The following PDIA3 variants were observed in gnomAD, a reference collection of about 807,000 sequenced individuals.
PDIA3 encodes protein disulfide-isomerase A3.
Under a neutral mutation model 56.9 loss-of-function variants are expected in PDIA3, and 16 were observed. That is an observed-to-expected ratio of 0.28 (90% CI 0.19 to 0.43). PDIA3 has a LOEUF of 0.43. Ranked by LOEUF, PDIA3 falls within the 20% of genes least tolerant of loss-of-function variation. The pLI is 1.00. For missense variants in PDIA3, 485 were observed against 621.3 expected, an observed-to-expected ratio of 0.78 and a Z score of 2.33; for synonymous variants, 192 against 216.5, an observed-to-expected ratio of 0.89 and a Z score of 0.99.
chr15:43,752,886 A>T (rs2086753882), intron 1 of PDIA3: 1 of 471,034 alleles, frequency 2.1e-6, no homozygotes, highest in Non-Finnish European at 4.4e-6. Flanking sequence ...CTAGCTGTAT[A>T]TACACTGATT....
chr15:43,753,950 A>G, intron 2 of PDIA3, 48 bp downstream of exon 2: 2 of 1,331,196 alleles, frequency 1.5e-6, no homozygotes, highest in Non-Finnish European at 2.2e-6. Flanking sequence ...TATTTTAAAA[A>G]GTAGTTTGTT....
At chr15:43,767,737 TCCAG>T (rs1431338144) in intron 8 of PDIA3, among the ~76,000 whole-genome samples, 4 of 135,440 alleles carry the variant, frequency 3.0e-5, no homozygotes, top group Non-Finnish European at 4.6e-5. Flanking sequence ...GCCACTGTTC[TCCAG>T]CCTGGGTGAC....
chr15:43,768,462 A>G, intron 8 of PDIA3, 27 bp from the exon 9 acceptor site: 1 of 1,513,636 alleles, frequency 6.6e-7, no homozygotes, highest in South Asian at 1.1e-5. Flanking sequence ...TAGATTAACA[A>G]GCCTTACCCT....
intron 9 of PDIA3, among the ~76,000 whole-genome samples, chr15:43,768,808 G>A (rs558293811): frequency 5.3e-5 from 8 of 151,970 alleles, no homozygotes; most frequent in Non-Finnish European, 1.2e-4. Context: ...CACATCACAA[G>A]GTCAAGAGTT....
rs1567156401 is a variant in PDIA3 at position 43,756,729 on chromosome 15, T to A, written c.327T>A (p.Gly109=). The A allele has an allele frequency of 1.9e-6, 3 of 1,608,390 alleles. No homozygotes were observed. The highest frequency in any genetic ancestry group is 2.7e-5 in the African/African-American group (2 of 74,802). ...CAACCCTGAAGATATTTAGAGATGGTGAAGAAGCAGGTGCTTATGATGGAC... is the reference window on the plus strand; with the variant it reads ...CAACCCTGAAGATATTTAGAGATGGAGAAGAAGCAGGTGCTTATGATGGAC... The part of the protein sequence containing the change: ...GYPTLKIFRD[G]EEAGAYDGPR... The change falls in exon 3 of 13, where the codon GGT becomes GGA. Residue 109 remains glycine, a synonymous_variant. Transcript: ENST00000300289.
chr15:43,763,840 C>T (rs2086832639), intron 5 of PDIA3, among the ~76,000 whole-genome samples: 1 of 151,932 alleles, frequency 6.6e-6, no homozygotes. Flanking sequence ...TCAGTTTTCT[C>T]TGGAAGGTTA....
At chr15:43,756,061 A>G (rs1022644979) in intron 2 of PDIA3, among the ~76,000 whole-genome samples, 1 of 152,196 alleles carries the variant, frequency 6.6e-6, no homozygotes, top group African/African-American at 2.4e-5. Context: ...AATATATGCA[A>G]AGTACTTGTG....
intron 3 of PDIA3, among the ~76,000 whole-genome samples, chr15:43,757,854 T>A (rs2086789755): frequency 6.7e-6 from 1 of 148,846 alleles, no homozygotes; most frequent in Non-Finnish European, 1.5e-5. Context: ...AGAGCGAGAC[T>A]CCATCTCCAC....
At chr15:43,769,978 A>G (rs1288369871) in intron 10 of PDIA3, among the ~76,000 whole-genome samples, 1 of 152,208 alleles carries the variant, frequency 6.6e-6, no homozygotes, top group Admixed American at 6.5e-5. Context: ...TCTTATTCAG[A>G]CCAGGTAAAT....
chr15:43,755,478 T>C (rs1054089062), intron 2 of PDIA3, among the ~76,000 whole-genome samples: 3 of 152,192 alleles, frequency 2.0e-5, no homozygotes, highest in Non-Finnish European at 4.4e-5. Flanking sequence ...ACAATTAAAG[T>C]AATGCTTCCA....
intron 3 of PDIA3, among the ~76,000 whole-genome samples, chr15:43,757,939 TA>T (rs902677769): frequency 7.6e-4 from 107 of 139,956 alleles, no homozygotes; most frequent in Non-Finnish European, 7.5e-4. Flanking sequence ...GGCTACTATT[TA>T]AAAAAAAAAA....
intron 3 of PDIA3, among the ~76,000 whole-genome samples, chr15:43,759,043 C>T (rs969972794): frequency 3.3e-5 from 5 of 152,134 alleles, no homozygotes; most frequent in Non-Finnish European, 7.4e-5. Context: ...GTAATCCCAG[C>T]ACTTTGGGAG....
intron 3 of PDIA3, among the ~76,000 whole-genome samples, chr15:43,758,256 A>AAAT (rs2086792734): frequency 6.6e-6 from 1 of 152,154 alleles, no homozygotes. Context: ...AACAACAACA[A>AAAT]AATAGCCAAT....
rs1280961545 is a variant in PDIA3 at position 43,771,548 on chromosome 15, A to C, written c.*330A>C. ...AAATGAGACCCCTTTAAACTGTCTT[A>C]TTTTCCACCAGATTGAGAACCAGAT... On this transcript the variant is annotated 3_prime_UTR_variant, in exon 13 of 13. Transcript: ENST00000300289. 10 of 457,040 alleles carry C rather than the reference A, an allele frequency of 2.2e-5. No homozygotes were observed. The highest frequency in any genetic ancestry group is 3.1e-5 in the Non-Finnish European group (8 of 261,674). The allele number at this position is 457,040 out of a possible 1,614,324, so 28.3% of individuals were successfully genotyped here. A position where few individuals can be genotyped will look rare whatever the true frequency, so the allele number is the denominator to read the frequency against.
intron 1 of PDIA3, chr15:43,753,010 A>G (rs942390197): frequency 2.6e-6 from 1 of 387,296 alleles, no homozygotes. Flanking sequence ...AGCTGTAAAA[A>G]TCAGGCCTGC....
intron 6 of PDIA3, 67 bp downstream of exon 6, chr15:43,765,633 T>C: frequency 9.6e-7 from 1 of 1,044,884 alleles, no homozygotes; most frequent in Non-Finnish European, 1.5e-6. Context: ...CCTCAGTTAT[T>C]AAGCCGAGCT....
At chr15:43,769,074 C>T (rs1046564610) in intron 9 of PDIA3, among the ~76,000 whole-genome samples, 10 of 150,852 alleles carry the variant, frequency 6.6e-5, no homozygotes, top group Admixed American at 1.3e-4. Flanking sequence ...TAGGGGCAAG[C>T]GTGTAAAGCC....
At chr15:43,766,115 A>T in intron 7 of PDIA3, 103 bp downstream of exon 7, 2 of 845,298 alleles carry the variant, frequency 2.4e-6, no homozygotes, top group Non-Finnish European at 3.5e-6. Flanking sequence ...AAAACAATAA[A>T]TGGTTCCTTA....
Position 43,772,545 on chromosome 15 carries a change from A to G in PDIA3, c.*1327A>G, listed in dbSNP as rs1045344119. ...CCAAAAGTGGCTCAGATGTAAAGCC[A>G]GGGTTAAGAACCATCTGCCTTGGAA... On this transcript the variant is annotated 3_prime_UTR_variant, in exon 13 of 13. Coordinates refer to ENST00000300289, the MANE Select transcript of PDIA3 (RefSeq NM_005313.5). The G allele has an allele frequency of 2.6e-5, 4 of 152,258 alleles. No individual in the cohort carries two copies. The highest frequency in any genetic ancestry group is 9.6e-5 in the African/African-American group (4 of 41,474). The allele number at this position is 152,258 out of a possible 1,614,324, so 9.4% of individuals were successfully genotyped here. A position where few individuals can be genotyped will look rare whatever the true frequency, so the allele number is the denominator to read the frequency against.
Sources: gnomAD v4.1 joint callset for allele counts (sites outside exome capture counted in the v4.1 genomes callset) on GRCh38, gnomAD v4.1.1 for gene constraint, MANE v1.5 for transcripts, NCBI Gene and HGNC (gene_info 2026-07-23, HGNC 2026-07-21) for gene names.